ZFPM2: variants seen among roughly 807,000 people sequenced by gnomAD.
ZFPM2 encodes zinc finger protein, FOG family member 2, also known as zinc finger protein ZFPM2.
ZFPM2 carries 20 observed loss-of-function variants against 98.6 expected under a neutral mutation model. The observed-to-expected ratio is 0.20, with a 90% CI of 0.14 to 0.29. The LOEUF (loss-of-function observed/expected upper bound fraction) is 0.29. Among genes scored for constraint, ZFPM2 ranks in the 10% least tolerant of loss-of-function variants. The pLI is 1.00. For synonymous variants in ZFPM2, 518 were observed against 502.7 expected (o/e 1.03, Z -0.41); for missense variants, 1,310 against 1,388.6 (o/e 0.94, Z 0.90).
intron 4 of ZFPM2, among the ~76,000 whole-genome samples, chr8:105,603,034 A>G (rs193158491): frequency 3.3e-5 from 5 of 152,274 alleles, no homozygotes; most frequent in Admixed American, 3.3e-4. Context: ...ATGTACTATG[A>G]TACATGGAGA....
intron 5 of ZFPM2, among the ~76,000 whole-genome samples, chr8:105,786,027 G>A (rs1315677558): frequency 2.2e-5 from 3 of 135,058 alleles, no homozygotes; most frequent in African/African-American, 9.0e-5. Flanking sequence ...GGGCGACAGA[G>A]GGAGACTCCG....
intron 2 of ZFPM2, among the ~76,000 whole-genome samples, chr8:105,428,778 G>T: frequency 6.6e-6 from 1 of 152,116 alleles, no homozygotes; most frequent in East Asian, 1.9e-4. Flanking sequence ...GAAAGCTCTG[G>T]GCACTGTGAA....
intron 5 of ZFPM2, among the ~76,000 whole-genome samples, chr8:105,669,535 CATGTGTGTGT>C (rs1166096963): frequency 7.6e-6 from 1 of 130,814 alleles, no homozygotes; most frequent in Non-Finnish European, 1.7e-5. Flanking sequence ...TGAAAGTGTG[CATGTGTGTGT>C]GTGTGTGTGT....
intron 3 of ZFPM2, among the ~76,000 whole-genome samples, chr8:105,549,440 C>T (rs767423111): frequency 6.6e-6 from 1 of 151,742 alleles, no homozygotes; most frequent in South Asian, 2.1e-4. Context: ...GATGGGGAGT[C>T]GTTTTGGTGT....
At chr8:105,463,637 A>T (rs1226333697) in intron 3 of ZFPM2, among the ~76,000 whole-genome samples, 2 of 152,112 alleles carry the variant, frequency 1.3e-5, no homozygotes, top group Non-Finnish European at 2.9e-5. Flanking sequence ...TCATGATTTT[A>T]GGGTTCTTCA....
chr8:105,755,859 A>C, intron 5 of ZFPM2, among the ~76,000 whole-genome samples: 1 of 152,164 alleles, frequency 6.6e-6, no homozygotes, highest in East Asian at 1.9e-4. Context: ...AAGGCTATAA[A>C]TAAAGTATGC....
At chr8:105,653,854 CTTTTTTTTTTTTTTT>C (rs60218363) in intron 5 of ZFPM2, among the ~76,000 whole-genome samples, 15 of 35,286 alleles carry the variant, frequency 4.3e-4, no homozygotes, top group South Asian at 1.9e-3. Flanking sequence ...TGTGTGCTAT[CTTTTTTTTTTTTTTT>C]TTTTTTTTTT....
intron 3 of ZFPM2, among the ~76,000 whole-genome samples, chr8:105,512,537 A>G (rs1356079915): frequency 2.6e-5 from 4 of 152,208 alleles, no homozygotes; most frequent in African/African-American, 9.6e-5. Flanking sequence ...TCAGTAGCCA[A>G]TCATGTGGTA....
chr8:105,386,847 G>A (rs1365712064), intron 1 of ZFPM2, among the ~76,000 whole-genome samples: 13 of 152,078 alleles, frequency 8.5e-5, no homozygotes, highest in South Asian at 4.1e-4. Flanking sequence ...GGAAGGTGGA[G>A]GACAAAAGTT....
chr8:105,517,775 T>C (rs941476381), intron 3 of ZFPM2, among the ~76,000 whole-genome samples: 6 of 148,156 alleles, frequency 4.0e-5, no homozygotes, highest in African/African-American at 7.6e-5. Flanking sequence ...GTGGCTGTAA[T>C]CTCAGCTACT....
chr8:105,614,962 TAGGGTTACTTA>T lies in ZFPM2; in HGVS notation c.421-19282_421-19272del. Reference sequence around the variant, plus strand: ...ACTGGCCTTATCATTGAATTTACTTTAGGGTTACTTAAACTAGTCTAGTGCAAAACTATTAA... The same window carrying T: ...ACTGGCCTTATCATTGAATTTACTTTAACTAGTCTAGTGCAAAACTATTAA... On this transcript the variant is annotated intron_variant, in intron 4 of 7. Transcript: ENST00000407775. 2.0e-5 allele frequency among the ~76,000 whole-genome samples: 3 copies of T among 152,314 alleles called. No individual in the cohort carries two copies. In the Middle Eastern group the frequency reaches 0.01, roughly 518 times the overall value.
chr8:105,369,291 A>G (rs1169350840), intron 1 of ZFPM2, among the ~76,000 whole-genome samples: 8 of 152,148 alleles, frequency 5.3e-5, no homozygotes, highest in Non-Finnish European at 8.8e-5. Context: ...TATGTGCTAA[A>G]TATTATTATG....
intron 3 of ZFPM2, among the ~76,000 whole-genome samples, chr8:105,541,019 G>T (rs569096093): frequency 1.3e-5 from 2 of 152,178 alleles, no homozygotes; most frequent in African/African-American, 4.8e-5. Context: ...TTGTATTGTT[G>T]CAGACTGACC....
At chr8:105,795,396 C>CAAT (rs1192103982) in intron 6 of ZFPM2, among the ~76,000 whole-genome samples, 1 of 150,998 alleles carries the variant, frequency 6.6e-6, no homozygotes, top group African/African-American at 2.4e-5. Context: ...TACATGAGTT[C>CAAT]AATAATATTC....
Position 105,802,787 on chromosome 8 carries a change from G to C in ZFPM2, c.2705G>C (p.Arg902Pro), listed in dbSNP as rs1269566968. Reference sequence around the variant, plus strand: ...GTGTTTCCGAATCCAGAAAGCGAACGAAACAGCCCTGATGTCAGCTACGAA... The same window carrying C: ...GTGTTTCCGAATCCAGAAAGCGAACCAAACAGCCCTGATGTCAGCTACGAA... Reference protein sequence around the residue: ...GKVFPNPESERNSPDVSYERS... With the variant: ...GKVFPNPESEPNSPDVSYERS... Residue 902 changes from arginine to proline, a missense_variant, in exon 8 of 8, where the codon CGA becomes CCA. Physicochemically the swap from Arg to Pro is moderately radical, Grantham distance 103. Transcript: ENST00000407775. 1 of 1,613,606 alleles carries C rather than the reference G, an allele frequency of 6.2e-7. No homozygotes were observed. The highest frequency in any genetic ancestry group is 1.7e-5 in the Admixed American group (1 of 59,942).
chr8:105,537,550 G>A (rs1814480057), intron 3 of ZFPM2, among the ~76,000 whole-genome samples: 3 of 152,084 alleles, frequency 2.0e-5, no homozygotes, highest in Admixed American at 1.3e-4. Context: ...AGGCATGATG[G>A]CATGTGCCTG....
chr8:105,727,156 C>CT (rs915148967), intron 5 of ZFPM2, among the ~76,000 whole-genome samples: 52 of 146,420 alleles, frequency 3.6e-4, no homozygotes, highest in African/African-American at 5.7e-4. Context: ...TTTTGGTTGA[C>CT]TTTTTTTTTT....
chr8:105,593,080 G>C (rs796696833), intron 4 of ZFPM2, among the ~76,000 whole-genome samples: 3 of 152,246 alleles, frequency 2.0e-5, no homozygotes, highest in African/African-American at 7.2e-5. Context: ...GCAAAAGAAA[G>C]ATAAGAGCTT....
chr8:105,410,148 GA>G (rs1399574193), intron 1 of ZFPM2, among the ~76,000 whole-genome samples: 1 of 151,766 alleles, frequency 6.6e-6, no homozygotes, highest in Non-Finnish European at 1.5e-5. Flanking sequence ...TAATTTAGAA[GA>G]AAAAAGTTTA....
Sources: allele counts gnomAD v4.1 joint callset (sites outside exome capture counted in the v4.1 genomes callset), GRCh38; gene constraint gnomAD v4.1.1; transcripts MANE v1.5; gene names NCBI Gene and HGNC (gene_info 2026-07-23, HGNC 2026-07-21).